RTN4RL1: variants seen among roughly 807,000 people sequenced by gnomAD.
RTN4RL1 encodes the protein reticulon-4 receptor-like 1.
Under a neutral mutation model 25.6 loss-of-function variants are expected in RTN4RL1, and 7 were observed. That is an observed-to-expected ratio of 0.27 (90% CI 0.16 to 0.51). The LOEUF (loss-of-function observed/expected upper bound fraction) is 0.51, where lower values mean the gene tolerates loss of function less well. Among genes scored for constraint, RTN4RL1 ranks in the 20% least tolerant of loss-of-function variants. The pLI is 0.97. For missense variants in RTN4RL1, 500 were observed against 615.6 expected, an observed-to-expected ratio of 0.81 and a Z score of 1.99; for synonymous variants, 297 against 288.2, an observed-to-expected ratio of 1.03 and a Z score of -0.31.
chr17:2,024,781 G>A, intron 1 of RTN4RL1, 72 bp downstream of exon 1: 2 of 1,494,210 alleles, frequency 1.3e-6, no homozygotes, highest in East Asian at 2.5e-5. Flanking sequence ...CCCCGGCGCC[G>A]GGCGGCGCCC....
chr17:1,945,256 C>T (rs1215617483), intron 1 of RTN4RL1, among the ~76,000 whole-genome samples: 1 of 152,154 alleles, frequency 6.6e-6, no homozygotes, highest in Non-Finnish European at 1.5e-5. Context: ...CAGAATCTCA[C>T]CTATCACCCA....
At chr17:1,950,846 CAAAAAAAAAAAAA>C (rs61660812) in intron 1 of RTN4RL1, among the ~76,000 whole-genome samples, 5 of 17,788 alleles carry the variant, frequency 2.8e-4, no homozygotes, top group South Asian at 3.4e-3. Context: ...ACACAGTCTC[CAAAAAAAAAAAAA>C]AAAAAAAAAA....
At chr17:1,983,331 C>T (rs958450736) in intron 1 of RTN4RL1, among the ~76,000 whole-genome samples, 4 of 151,918 alleles carry the variant, frequency 2.6e-5, no homozygotes, top group Admixed American at 6.6e-5. Flanking sequence ...CAGGCGTGAG[C>T]CGCCACACCT....
chr17:2,005,481 C>T (rs1234738764), intron 1 of RTN4RL1, among the ~76,000 whole-genome samples: 1 of 152,232 alleles, frequency 6.6e-6, no homozygotes, highest in African/African-American at 2.4e-5. Flanking sequence ...GGCCACTGAC[C>T]TTTGCAATTA....
intron 1 of RTN4RL1, among the ~76,000 whole-genome samples, chr17:1,985,545 G>C (rs1003037492): frequency 2.0e-5 from 3 of 152,178 alleles, no homozygotes; most frequent in African/African-American, 7.2e-5. Context: ...CATAAACCGG[G>C]TTTACATTCC....
At chr17:1,950,201 G>A (rs1424888637) in intron 1 of RTN4RL1, among the ~76,000 whole-genome samples, 4 of 152,170 alleles carry the variant, frequency 2.6e-5, no homozygotes. Flanking sequence ...GAGAGACCTT[G>A]GGGGCCTGAA....
chr17:2,002,665 G>C (rs796182922), intron 1 of RTN4RL1, among the ~76,000 whole-genome samples: 13 of 151,296 alleles, frequency 8.6e-5, no homozygotes, highest in African/African-American at 3.2e-4. Context: ...TCTTTTCTCT[G>C]TCTCTGTCTC....
chr17:1,967,069 G>A (rs1483837801), intron 1 of RTN4RL1, among the ~76,000 whole-genome samples: 2 of 152,178 alleles, frequency 1.3e-5, no homozygotes, highest in Non-Finnish European at 2.9e-5. Flanking sequence ...AAACAGAAGA[G>A]GCTAAAGTGG....
chr17:1,970,078 A>G (rs7223572), intron 1 of RTN4RL1, among the ~76,000 whole-genome samples: 61,239 of 148,684 alleles, frequency 0.41, 12,873 homozygotes, highest in Admixed American at 0.55. Flanking sequence ...CTGGAGTGCA[A>G]TGGCGCAATC....
At chr17:2,008,000 T>C (rs1334572533) in intron 1 of RTN4RL1, among the ~76,000 whole-genome samples, 1 of 146,364 alleles carries the variant, frequency 6.8e-6, no homozygotes, top group Non-Finnish European at 1.5e-5. Flanking sequence ...AGGCCAGGCA[T>C]GGTGGCTCAT....
At chr17:2,012,907 C>A (rs1222606392) in intron 1 of RTN4RL1, among the ~76,000 whole-genome samples, 1 of 152,046 alleles carries the variant, frequency 6.6e-6, no homozygotes, top group African/African-American at 2.4e-5. Flanking sequence ...AATTCTCCTG[C>A]CTCAGCCTCC....
At chr17:2,005,820 A>G (rs1463482563) in intron 1 of RTN4RL1, among the ~76,000 whole-genome samples, 2 of 141,796 alleles carry the variant, frequency 1.4e-5, no homozygotes, top group Non-Finnish European at 3.0e-5. Context: ...TTTTTGACAC[A>G]GAGTCTCGCC....
At chr17:2,011,690 GA>G (rs2067051778) in intron 1 of RTN4RL1, among the ~76,000 whole-genome samples, 1 of 152,130 alleles carries the variant, frequency 6.6e-6, no homozygotes, top group South Asian at 2.1e-4. Context: ...CATTTCCAAT[GA>G]GCTCCCATGA....
Position 1,998,097 on chromosome 17 carries a change from G to A in RTN4RL1, c.13+26756C>T, listed in dbSNP as rs2066937962. ...GCCTCTCCCGGCCTCATTACCGAGG[G>A]AGAGCTGCCGGGGCTGGCAGGGGAG... On this transcript the variant is annotated intron_variant, in intron 1 of 1. Transcript: ENST00000331238. This position sits in a 1 kb window ranked among gnomAD's most constrained non-coding sequence, Gnocchi z 4.9. Among the ~76,000 whole-genome samples the A allele has an allele frequency of 6.6e-6, 1 of 152,194 alleles. No homozygotes were observed. Among genetic ancestry groups the A allele is most frequent in the African/African-American group, 2.4e-5 (1 of 41,462 alleles).
intron 1 of RTN4RL1, among the ~76,000 whole-genome samples, chr17:1,960,330 A>G (rs1309793715): frequency 1.3e-5 from 2 of 152,120 alleles, no homozygotes; most frequent in Admixed American, 1.3e-4. Context: ...AAAAACAGTA[A>G]GTGCTATCAT....
At chr17:1,979,658 G>A (rs1416053427) in intron 1 of RTN4RL1, among the ~76,000 whole-genome samples, 2 of 152,130 alleles carry the variant, frequency 1.3e-5, no homozygotes, top group African/African-American at 4.8e-5. Flanking sequence ...CCTATACTAA[G>A]ATCTCTGCCT....
intron 1 of RTN4RL1, among the ~76,000 whole-genome samples, chr17:1,999,873 C>T (rs1045568824): frequency 5.3e-5 from 8 of 152,374 alleles, no homozygotes; most frequent in South Asian, 2.1e-4. Flanking sequence ...TGCCTCTTCT[C>T]GCCTCTCCTC....
At chr17:2,006,158 A>AT (rs781005282) in intron 1 of RTN4RL1, among the ~76,000 whole-genome samples, 3,968 of 124,392 alleles carry the variant, frequency 0.032, 183 homozygotes, top group African/African-American at 0.1. Context: ...GAGGTTTGCA[A>AT]TTTTTTTTTT....
chr17:1,956,059 G>T (rs1266776003), intron 1 of RTN4RL1, among the ~76,000 whole-genome samples: 2 of 151,926 alleles, frequency 1.3e-5, no homozygotes, highest in African/African-American at 4.8e-5. Flanking sequence ...TTTATTTAAA[G>T]AAATAAAATT....
Sources: gnomAD v4.1 joint callset for allele counts (sites outside exome capture counted in the v4.1 genomes callset) on GRCh38, gnomAD v4.1.1 for gene constraint, Gnocchi (gnomAD v3.1) non-coding constraint, MANE v1.5 for transcripts, NCBI Gene and HGNC (gene_info 2026-07-23, HGNC 2026-07-21) for gene names.